The following FAM9A variants were observed in gnomAD, a reference collection of about 807,000 sequenced individuals.
FAM9A encodes family with sequence similarity 9 member A.
FAM9A carries 49 observed loss-of-function variants against 25.0 expected under a neutral mutation model. The observed-to-expected ratio is 1.96, with a 90% CI of 1.56 to 2.48. The LOEUF is 2.48. Ranked by LOEUF, FAM9A falls within the 30% of genes most tolerant of loss-of-function variation. The pLI, the probability that FAM9A is intolerant of heterozygous loss-of-function variation, is 0.00. For synonymous variants in FAM9A, 80 were observed against 85.1 expected (o/e 0.94, Z 0.33); for missense variants, 266 against 249.3 (o/e 1.07, Z -0.45).
At position 8,798,422 on chromosome X, in the gene FAM9A, T is replaced by G; in HGVS notation, c.278A>C (p.Glu93Ala). The change falls in exon 4 of 10, where the codon GAG (glutamate) becomes GCG (alanine). Residue 93 changes from glutamate (E) to alanine (A), a missense_variant. Coordinates refer to ENST00000381003, the MANE Select transcript of FAM9A (RefSeq NM_174951.3). ...EERNPFTETR[E>A]EDVTDEHGER... ...CCCATGCTCATCAGTTACATCTTCC[T>G]CCCTTGTTTCTGTAAAAGGGTTTCT... 8.3e-7 allele frequency: 1 copy of G among 1,212,030 alleles called. No individual in the cohort carries two copies.
intron 4 of FAM9A, 26 bp downstream of exon 4, chrX:8,798,333 A>G: frequency 8.3e-7 from 1 of 1,209,658 alleles, no homozygotes; most frequent in East Asian, 3.0e-5. Flanking sequence ...CCTATCCGAC[A>G]GGCAAAAGTG....
intron 3 of FAM9A, among the ~76,000 whole-genome samples, chrX:8,798,693 A>G (rs1204112102): frequency 8.9e-6 from 1 of 112,676 alleles, no homozygotes; most frequent in African/African-American, 3.2e-5. Flanking sequence ...AACGCTCACA[A>G]GTCAGACCCC....
At chrX:8,798,575 TCTCTA>T (rs1195807408) in intron 3 of FAM9A, 96 bp from the exon 4 acceptor site, 68 of 1,140,726 alleles carry the variant, frequency 6.0e-5, no homozygotes, top group Non-Finnish European at 2.6e-5. Flanking sequence ...CTTTTTTGGC[TCTCTA>T]CCAATTAAAG....
At position 8,800,066 on chromosome X, in the gene FAM9A, T is replaced by C. The variant is rs1466888629; in HGVS notation, c.91+15A>G. The stretch of plus-strand genomic sequence containing the variant: ...CCGCGCAGAGAGCAAACAGACCATC[T>C]CCTTGGGCGTGCACCTTCTTTCGTG... On this transcript the variant is annotated intron_variant, in intron 2 of 9. Transcript: ENST00000381003. 1.7e-6 allele frequency: 2 copies of C among 1,206,817 alleles called. No homozygotes were observed. Among genetic ancestry groups the C allele is most frequent in the African/African-American group, 1.8e-5 (1 of 56,881 alleles).
chrX:8,794,482 C>G (rs1242594134), intron 7 of FAM9A, among the ~76,000 whole-genome samples: 1 of 111,368 alleles, frequency 9.0e-6, no homozygotes, highest in Non-Finnish European at 1.9e-5. Context: ...CCATGGTTCC[C>G]GAGCTAGCAA....
At chrX:8,799,524 C>T (rs767100806) in intron 2 of FAM9A, among the ~76,000 whole-genome samples, 1 of 107,746 alleles carries the variant, frequency 9.3e-6, no homozygotes, top group African/African-American at 3.4e-5. Flanking sequence ...CTGTCCTGAC[C>T]GGCGGCCGGG....
In FAM9A at chrX:8,790,839, T is replaced by G. The variant is rs1933462319; in HGVS notation, c.*365A>C. On this transcript the variant is annotated 3_prime_UTR_variant, in exon 10 of 10. Transcript: ENST00000381003. The stretch of plus-strand genomic sequence containing the variant: ...CTTTTCTATGCCCGTGCTTTCTACG[T>G]TTTTGAAACTGATACAGATCCACAG... 1 of 112,642 alleles carries G rather than the reference T, an allele frequency of 8.9e-6. No homozygotes were observed. Among genetic ancestry groups the G allele is most frequent in the African/African-American group, 3.2e-5 (1 of 30,865 alleles). The allele number at this position is 112,642 out of a possible 1,213,427, so 9.3% of individuals were successfully genotyped here. A position where few individuals can be genotyped will look rare whatever the true frequency, so the allele number is the denominator to read the frequency against.
intron 3 of FAM9A, among the ~76,000 whole-genome samples, chrX:8,798,708 A>C (rs938159500): frequency 9.8e-5 from 11 of 112,713 alleles, no homozygotes; most frequent in African/African-American, 3.2e-4. Context: ...GACCCCTTGG[A>C]TGTCAGGACC....
At chrX:8,791,908 T>C (rs1353504420) in intron 8 of FAM9A, among the ~76,000 whole-genome samples, 2 of 111,655 alleles carry the variant, frequency 1.8e-5, no homozygotes, top group Non-Finnish European at 3.8e-5. Flanking sequence ...ATGTAAAAAA[T>C]GTAAGCACAA....
intron 5 of FAM9A, among the ~76,000 whole-genome samples, chrX:8,797,438 T>C (rs1933546552): frequency 8.9e-6 from 1 of 112,224 alleles, no homozygotes. Flanking sequence ...TCTTTCCTTT[T>C]CTAGTACACA....
At position 8,791,311 on chromosome X, in the gene FAM9A, C is replaced by G. The variant is rs1164281981; in HGVS notation, c.999G>C (p.Ter333TyrextTer4). Residue 333 changes from the stop codon to tyrosine (Y), a stop_lost, in exon 9 of 10, where the codon TAG (stop) becomes TAC (tyrosine). Transcript: ENST00000381003. ...GACACGATTCTTTTTAAAAACACGG[C>G]TAGTTATCAAGTTCACTTTCTTCAC... Reference protein sequence around the residue: ...SSSEESELDN* With the variant: ...SSSEESELDNY 1.7e-6 allele frequency: 2 copies of G among 1,202,043 alleles called. No homozygotes were observed. Among genetic ancestry groups the G allele is most frequent in the South Asian group, 1.8e-5 (1 of 55,124 alleles).
chrX:8,798,607 T>C, intron 3 of FAM9A, 128 bp from the exon 4 acceptor site: 1 of 1,078,556 alleles, frequency 9.3e-7, no homozygotes, highest in East Asian at 3.0e-5. Flanking sequence ...AGCAGAGCTA[T>C]GCATGGAATC....
rs746133039 is a variant in FAM9A, at chrX:8,791,325, C to T, written c.985G>A (p.Glu329Lys). The T allele has an allele frequency of 5.8e-6, 7 of 1,204,515 alleles. No homozygotes were observed. The South Asian group carries it at 1.3e-4, about 22-fold the overall frequency. Residue 329 changes from glutamate to lysine, a missense_variant, in exon 9 of 10, where the codon GAA becomes AAA. Physicochemically the swap from Glu to Lys is moderately conservative, Grantham distance 56. Coordinates refer to ENST00000381003, the MANE Select transcript of FAM9A (RefSeq NM_174951.3). The stretch of plus-strand genomic sequence containing the variant: ...TAAAAACACGGCTAGTTATCAAGTT[C>T]ACTTTCTTCACTGGAAGAAATGATG... ...YCIISSSEES[E>K]LDN
intron 7 of FAM9A, 35 bp from the exon 8 acceptor site, chrX:8,793,791 T>C (rs915989502): frequency 8.5e-6 from 8 of 944,420 alleles, no homozygotes; most frequent in Non-Finnish European, 1.1e-5. Context: ...GAAAATTGGG[T>C]AATTTTTAAT....
intron 1 of FAM9A, 87 bp from the exon 2 acceptor site, chrX:8,800,296 G>A (rs1378867819): frequency 2.1e-6 from 2 of 957,498 alleles, no homozygotes; most frequent in Non-Finnish European, 2.9e-6. Context: ...TCAAGAAAGG[G>A]TGGGGCTGGC....
At chrX:8,791,251 G>C in intron 9 of FAM9A, 29 bp downstream of exon 9, 2 of 1,005,589 alleles carry the variant, frequency 2.0e-6, no homozygotes, top group Non-Finnish European at 2.7e-6. Flanking sequence ...TCAATCCTGA[G>C]TTTTTAAACT....
At position 8,795,262 on chromosome X, in the gene FAM9A, A is replaced by ACTTCTGCTGCTGCTGCTGCGG. The variant is rs768045911; in HGVS notation, c.626_646dup (p.Ala209_Glu215dup). On this transcript the variant is annotated inframe_insertion, in exon 7 of 10. Coordinates refer to ENST00000381003, the MANE Select transcript of FAM9A (RefSeq NM_174951.3). ...CTCCTCTTCGTCTTCTACTACTATTACTTCTGCTGCTGCTGCTGCGGCTTC... is the reference window on the plus strand; with the variant it reads ...CTCCTCTTCGTCTTCTACTACTATTACTTCTGCTGCTGCTGCTGCGGCTTCTGCTGCTGCTGCTGCGGCTTC... 2 of 1,173,211 alleles carry ACTTCTGCTGCTGCTGCTGCGG rather than the reference A, an allele frequency of 1.7e-6. No individual in the cohort carries two copies. Among genetic ancestry groups the ACTTCTGCTGCTGCTGCTGCGG allele is most frequent in the Non-Finnish European group, 2.3e-6 (2 of 874,552 alleles).
At chrX:8,793,841 C>CTCTTTAAA (rs1933496730) in intron 7 of FAM9A, 85 bp from the exon 8 acceptor site, 1 of 607,502 alleles carries the variant, frequency 1.6e-6, no homozygotes, top group African/African-American at 2.2e-5. Flanking sequence ...TATAGGAATA[C>CTCTTTAAA]TCTTTAAATC....
At position 8,798,179 on chromosome X, in the gene FAM9A, A is replaced by G. The variant is rs1933554650; in HGVS notation, c.344T>C (p.Ile115Thr). Residue 115 changes from isoleucine to threonine, a missense_variant and splice_region_variant, in exon 5 of 10, where the codon ATT (isoleucine) becomes ACT (threonine). Coordinates refer to ENST00000381003, the MANE Select transcript of FAM9A (RefSeq NM_174951.3). ...AATATGTTCTAGCTTCATGGTATGA[A>G]TCCTGTAAAAAAAGTTACATCAAAA... ...PFAEKDEHTGIHTMKLEHIAA... is the reference protein window; with the variant it reads ...PFAEKDEHTGTHTMKLEHIAA... 2 of 1,204,705 alleles carry G rather than the reference A, an allele frequency of 1.7e-6. No individual in the cohort carries two copies. The highest frequency in any genetic ancestry group is 2.2e-6 in the Non-Finnish European group (2 of 892,751).
Sources: allele counts gnomAD v4.1 joint callset (sites outside exome capture counted in the v4.1 genomes callset), GRCh38; gene constraint gnomAD v4.1.1; transcripts MANE v1.5; gene names NCBI Gene and HGNC (gene_info 2026-07-23, HGNC 2026-07-21).